RBL2: variants seen among roughly 807,000 people sequenced by gnomAD.
The protein encoded by RBL2 is retinoblastoma-like protein 2.
Under a neutral mutation model 126.0 loss-of-function variants are expected in RBL2, and 56 were observed. The observed-to-expected ratio is 0.44, with a 90% CI of 0.36 to 0.56. RBL2 has a LOEUF of 0.56. RBL2 is among the 20% of genes least tolerant of loss of function. RBL2 has a pLI of 0.00. For missense variants in RBL2, 1,229 were observed against 1,398.2 expected (o/e 0.88, Z 1.93); for synonymous variants, 454 against 478.5 (o/e 0.95, Z 0.67).
At chr16:53,462,715 A>G (rs1253920199) in intron 11 of RBL2, 60 bp downstream of exon 11, 4 of 1,139,624 alleles carry the variant, frequency 3.5e-6, no homozygotes, top group East Asian at 2.7e-5. Flanking sequence ...TTCCTGCCCT[A>G]TTCTGTGGGT....
At chr16:53,453,310 G>T in intron 5 of RBL2, 142 bp from the exon 6 acceptor site, 1 of 619,586 alleles carries the variant, frequency 1.6e-6, no homozygotes, top group Non-Finnish European at 2.6e-6. Flanking sequence ...TCTTAGCGTT[G>T]AAATAGGCCC....
rs563244884 is a variant in RBL2, at chr16:53,441,689, G to T, written c.372-969G>T. On this transcript the variant is annotated intron_variant, in intron 2 of 21. Coordinates refer to ENST00000262133, the MANE Select transcript of RBL2 (RefSeq NM_005611.4). Reference sequence around the variant, plus strand: ...TATTGCTTATTGTTTACACATACATGTGTATGTGTAGTAAGTGTGAAAACA... The same window carrying T: ...TATTGCTTATTGTTTACACATACATTTGTATGTGTAGTAAGTGTGAAAACA... 1.4e-4 allele frequency among the ~76,000 whole-genome samples: 22 copies of T among 152,280 alleles called. No homozygotes were observed. The South Asian group carries it at 1.9e-3, about 13-fold the overall frequency.
intron 3 of RBL2, 35 bp downstream of exon 3, chr16:53,442,893 T>G: frequency 6.7e-7 from 1 of 1,498,764 alleles, no homozygotes; most frequent in Non-Finnish European, 9.2e-7. Context: ...GGAATACACG[T>G]TAGTCTGTGC....
At chr16:53,473,353 G>GTT (rs146953967) in intron 17 of RBL2, among the ~76,000 whole-genome samples, 36 of 148,880 alleles carry the variant, frequency 2.4e-4, no homozygotes, top group Middle Eastern at 6.9e-3. Flanking sequence ...TAGATCTTCT[G>GTT]TTTTTTTTTC....
chr16:53,485,192 G>A (rs1042559664), intron 21 of RBL2, among the ~76,000 whole-genome samples: 2 of 152,054 alleles, frequency 1.3e-5, no homozygotes, highest in African/African-American at 4.8e-5. Flanking sequence ...AACAAGTCTC[G>A]ATAAATGTTA....
rs2058313032 is a variant in RBL2 at position 53,470,556 on chromosome 16, A to G, written c.2419A>G (p.Ile807Val). Residue 807 changes from isoleucine (I) to valine (V), a missense_variant, in exon 16 of 22, where the codon ATT becomes GTT. By Grantham distance (29) the Ile-to-Val change is conservative (BLOSUM62 3). Transcript: ENST00000262133. ...TTLQVPGQVA[I>V]QQISPGGQQQ... is the part of the protein sequence containing the mutation. ...TTTGCAAGTCCCTGGTCAAGTGGCC[A>G]TTCAACAGATTTCCCCAGGTGGCCA... The G allele has an allele frequency of 6.2e-7, 1 of 1,614,178 alleles. No individual in the cohort carries two copies.
At chr16:53,442,011 C>A (rs191692560) in intron 2 of RBL2, among the ~76,000 whole-genome samples, 27 of 151,980 alleles carry the variant, frequency 1.8e-4, no homozygotes, top group African/African-American at 6.0e-4. Context: ...TAGTAGAGAT[C>A]GGGTTTTACC....
intron 19 of RBL2, 39 bp from the exon 20 acceptor site, chr16:53,480,528 C>T (rs761644251): frequency 1.9e-6 from 3 of 1,539,518 alleles, no homozygotes; most frequent in African/African-American, 1.4e-5. Context: ...TCAATATTAG[C>T]AGCCTTTGTA....
Position 53,470,866 on chromosome 16 carries a change from A to G in RBL2, c.2647A>G (p.Met883Val), listed in dbSNP as rs779897065. Residue 883 changes from methionine to valine, a missense_variant, in exon 17 of 22, where the codon ATG (methionine) becomes GTG (valine). Transcript: ENST00000262133. ...CTCCATAATTCAGTGTCCTGAACTTATGATGGACAGACATCTGGACCAGTT... is the reference window on the plus strand; with the variant it reads ...CTCCATAATTCAGTGTCCTGAACTTGTGATGGACAGACATCTGGACCAGTT... ...EFSIIQCPEL[M>V]MDRHLDQLLM... is the part of the protein sequence containing the mutation. 6.2e-7 allele frequency: 1 copy of G among 1,614,192 alleles called. No individual in the cohort carries two copies. Among genetic ancestry groups the G allele is most frequent in the East Asian group, 2.2e-5 (1 of 44,892 alleles).
intron 16 of RBL2, 37 bp downstream of exon 16, chr16:53,470,700 G>A: frequency 6.2e-7 from 1 of 1,612,346 alleles, no homozygotes; most frequent in Non-Finnish European, 8.5e-7. Context: ...CATGAGCTTG[G>A]GAAATACAAG....
chr16:53,451,634 G>A, intron 4 of RBL2, 69 bp from the exon 5 acceptor site: 1 of 1,531,838 alleles, frequency 6.5e-7, no homozygotes, highest in Non-Finnish European at 8.9e-7. Context: ...ATAAGTAAAG[G>A]AAGAAATTTT....
At chr16:53,440,953 CTTTTT>C (rs1178378934) in intron 2 of RBL2, among the ~76,000 whole-genome samples, 1 of 71,672 alleles carries the variant, frequency 1.4e-5, no homozygotes, top group Non-Finnish European at 2.5e-5. Flanking sequence ...TTTTTCAGTT[CTTTTT>C]TTTTTTTTTT....
chr16:53,451,692 T>C lies in RBL2; in HGVS notation c.638-11T>C, dbSNP rs1162052017. 6.2e-7 allele frequency: 1 copy of C among 1,612,392 alleles called. No individual in the cohort carries two copies. Among genetic ancestry groups the C allele is most frequent in the African/African-American group, 1.3e-5 (1 of 75,012 alleles). On this transcript the variant is annotated splice_polypyrimidine_tract_variant and intron_variant, in intron 4 of 21. Coordinates refer to ENST00000262133, the MANE Select transcript of RBL2 (RefSeq NM_005611.4). Reference sequence around the variant, plus strand: ...GCTAATTTAACTCTGTAACTGCTTATAATCCTGCAGGTAATTTCCCCATGA... The same window carrying C: ...GCTAATTTAACTCTGTAACTGCTTACAATCCTGCAGGTAATTTCCCCATGA...
chr16:53,437,263 A>G (rs1057392668), intron 1 of RBL2, among the ~76,000 whole-genome samples: 2 of 151,834 alleles, frequency 1.3e-5, no homozygotes, highest in Non-Finnish European at 2.9e-5. Flanking sequence ...CAAGAATATT[A>G]TGAAACCATC....
intron 7 of RBL2, 43 bp downstream of exon 7, chr16:53,453,812 T>C (rs2058139715): frequency 1.4e-6 from 2 of 1,456,674 alleles, no homozygotes; most frequent in East Asian, 4.6e-5. Context: ...TTAAATTGTA[T>C]ACTTAGGAAA....
Position 53,435,017 on chromosome 16 carries a change from G to C in RBL2, c.240+221G>C, listed in dbSNP as rs149125319. On this transcript the variant is annotated intron_variant, in intron 1 of 21. Transcript: ENST00000262133. Reference sequence around the variant, plus strand: ...GGCTTCCGAATGGGGAACGCGTCTTGCCCTAAAGTAGCACAGCAAGGCTGA... The same window carrying C: ...GGCTTCCGAATGGGGAACGCGTCTTCCCCTAAAGTAGCACAGCAAGGCTGA... Among the ~76,000 whole-genome samples, 724 of 152,294 alleles carry C rather than the reference G, an allele frequency of 4.8e-3. 2 individuals are homozygous for C. The highest frequency in any genetic ancestry group is 0.017 in the African/African-American group (702 of 41,572).
At chr16:53,463,936 C>G (rs1029639454) in intron 11 of RBL2, among the ~76,000 whole-genome samples, 1 of 152,120 alleles carries the variant, frequency 6.6e-6, no homozygotes, top group Non-Finnish European at 1.5e-5. Flanking sequence ...CATTGTTCTT[C>G]TAAGCATCAG....
chr16:53,479,612 G>A (rs1404658178), intron 18 of RBL2: 1 of 459,676 alleles, frequency 2.2e-6, no homozygotes, highest in East Asian at 3.9e-5. Context: ...AAATCGGCCA[G>A]ATCTGTGTAT....
At chr16:53,435,092 A>AC (rs2057944484) in intron 1 of RBL2, among the ~76,000 whole-genome samples, 1 of 151,092 alleles carries the variant, frequency 6.6e-6, no homozygotes, top group Non-Finnish European at 1.5e-5. Context: ...GGCCCATCTG[A>AC]CCCCCCGCCC....
Sources: gnomAD v4.1 joint callset for allele counts (sites outside exome capture counted in the v4.1 genomes callset) on GRCh38, gnomAD v4.1.1 for gene constraint, MANE v1.5 for transcripts, NCBI Gene and HGNC (gene_info 2026-07-23, HGNC 2026-07-21) for gene names.